The following LMNTD1 variants were observed in gnomAD, a reference collection of about 807,000 sequenced individuals.
The protein encoded by LMNTD1 is lamin tail domain-containing protein 1.
Under a neutral mutation model 50.9 loss-of-function variants are expected in LMNTD1, and 35 were observed. The ratio of observed to expected loss-of-function variants is 0.69; its 90% CI spans 0.53 to 0.91. The LOEUF (loss-of-function observed/expected upper bound fraction) is 0.91, where lower values mean the gene tolerates loss of function less well. Ranked by LOEUF, LMNTD1 falls within the 40% of genes least tolerant of loss-of-function variation. LMNTD1 has a pLI of 0.00. For synonymous variants in LMNTD1, 153 were observed against 161.9 expected (o/e 0.94, Z 0.42); for missense variants, 470 against 475.5 (o/e 0.99, Z 0.11).
intron 4 of LMNTD1, among the ~76,000 whole-genome samples, chr12:25,529,796 T>C (rs1477076657): frequency 1.3e-5 from 2 of 152,082 alleles, no homozygotes; most frequent in Non-Finnish European, 2.9e-5. Flanking sequence ...ACCATTTCCT[T>C]CTATAGAAAA....
chr12:25,619,012 C>G (rs1421252021), intron 1 of LMNTD1, among the ~76,000 whole-genome samples: 2 of 152,132 alleles, frequency 1.3e-5, no homozygotes, highest in Admixed American at 6.6e-5. Flanking sequence ...TTTGCCCTGC[C>G]ATTGTAAGAG....
intron 4 of LMNTD1, among the ~76,000 whole-genome samples, chr12:25,538,091 G>A (rs546331673): frequency 1.6e-5 from 2 of 128,478 alleles, no homozygotes; most frequent in African/African-American, 5.6e-5. Context: ...CCAAATCTAC[G>A]TCTGATTGGT....
chr12:25,604,552 T>G (rs1044801764), intron 1 of LMNTD1, among the ~76,000 whole-genome samples: 18 of 150,904 alleles, frequency 1.2e-4, no homozygotes, highest in Non-Finnish European at 2.1e-4. Flanking sequence ...CCTGTGTCCA[T>G]GTGTTCTCAT....
At chr12:25,537,362 G>A (rs559242238) in intron 4 of LMNTD1, among the ~76,000 whole-genome samples, 39 of 152,300 alleles carry the variant, frequency 2.6e-4, no homozygotes, top group South Asian at 2.5e-3. Context: ...CTCCCAGTAC[G>A]CAGCTGGAGA....
At chr12:25,489,171 C>G (rs558495761) in intron 9 of LMNTD1, among the ~76,000 whole-genome samples, 41 of 152,068 alleles carry the variant, frequency 2.7e-4, no homozygotes, top group Middle Eastern at 3.4e-3. Flanking sequence ...TCGAGCTTCC[C>G]GGCTGCTTTG....
chr12:25,596,868 A>G (rs1945854598), intron 1 of LMNTD1, among the ~76,000 whole-genome samples: 1 of 152,072 alleles, frequency 6.6e-6, no homozygotes, highest in African/African-American at 2.4e-5. Context: ...AAGACATAGT[A>G]CAATAAATGT....
chr12:25,537,873 C>A (rs1942729744), intron 4 of LMNTD1, among the ~76,000 whole-genome samples: 2 of 148,352 alleles, frequency 1.3e-5, no homozygotes, highest in Admixed American at 1.3e-4. Flanking sequence ...CAGAGAAGTG[C>A]TTAAAGGAGC....
intron 4 of LMNTD1, among the ~76,000 whole-genome samples, chr12:25,545,660 G>A (rs893638795): frequency 6.6e-6 from 1 of 151,574 alleles, no homozygotes; most frequent in Non-Finnish European, 1.5e-5. Flanking sequence ...ATCTGATGAG[G>A]TGTTTTTAGA....
intron 8 of LMNTD1, among the ~76,000 whole-genome samples, chr12:25,516,291 T>A (rs960004829): frequency 2.0e-5 from 3 of 152,218 alleles, no homozygotes. Flanking sequence ...CAACTATTTT[T>A]GAATTACTAC....
chr12:25,606,446 C>T (rs1033161364), intron 1 of LMNTD1, among the ~76,000 whole-genome samples: 1 of 152,184 alleles, frequency 6.6e-6, no homozygotes, highest in African/African-American at 2.4e-5. Context: ...TTTGTCCATT[C>T]AGTATGATAT....
intron 1 of LMNTD1, among the ~76,000 whole-genome samples, chr12:25,593,925 G>A (rs1298085511): frequency 6.6e-6 from 1 of 152,124 alleles, no homozygotes; most frequent in Admixed American, 6.5e-5. Flanking sequence ...GCAAAATGCT[G>A]TGGCAAGTCT....
intron 1 of LMNTD1, among the ~76,000 whole-genome samples, chr12:25,622,636 G>A (rs1177223728): frequency 2.0e-5 from 3 of 152,092 alleles, no homozygotes; most frequent in African/African-American, 7.2e-5. Context: ...CAAATATTTA[G>A]TAAGCCTTTA....
intron 3 of LMNTD1, among the ~76,000 whole-genome samples, chr12:25,548,668 T>C (rs1052507963): frequency 1.3e-5 from 2 of 151,940 alleles, no homozygotes; most frequent in Non-Finnish European, 2.9e-5. Context: ...TTTCAAAGGA[T>C]GATAGTGTTT....
intron 9 of LMNTD1, among the ~76,000 whole-genome samples, chr12:25,486,590 A>G (rs1938650746): frequency 6.8e-6 from 1 of 147,216 alleles, no homozygotes; most frequent in Admixed American, 6.9e-5. Flanking sequence ...GCCAGTTTTC[A>G]AAGGGAATGC....
intron 6 of LMNTD1, among the ~76,000 whole-genome samples, chr12:25,520,970 C>G (rs1029974940): frequency 7.2e-5 from 11 of 152,136 alleles, no homozygotes; most frequent in African/African-American, 2.7e-4. Flanking sequence ...TGATGTTGAG[C>G]ATCTTTTAAT....
chr12:25,513,197 C>A (rs1274150925), intron 8 of LMNTD1, among the ~76,000 whole-genome samples: 1 of 152,142 alleles, frequency 6.6e-6, no homozygotes, highest in Non-Finnish European at 1.5e-5. Flanking sequence ...TAAGATGCAT[C>A]CCGATTAAAA....
chr12:25,522,491 T>C (rs541770148), intron 6 of LMNTD1, among the ~76,000 whole-genome samples: 1 of 152,322 alleles, frequency 6.6e-6, no homozygotes, highest in Non-Finnish European at 1.5e-5. Flanking sequence ...AGTTAGAAGA[T>C]ATGGTTTTAT....
At chr12:25,503,874 C>G in intron 8 of LMNTD1, 74 bp from the exon 9 acceptor site, 1 of 727,916 alleles carries the variant, frequency 1.4e-6, no homozygotes, top group South Asian at 1.9e-5. Flanking sequence ...GTCCAGTATT[C>G]CAAGTATTGA....
intron 9 of LMNTD1, among the ~76,000 whole-genome samples, chr12:25,494,770 A>G (rs1939005181): frequency 6.6e-6 from 1 of 152,194 alleles, no homozygotes; most frequent in South Asian, 2.1e-4. Flanking sequence ...TACATTGTGA[A>G]ATGATTAATT....
Sources: allele counts gnomAD v4.1 joint callset (sites outside exome capture counted in the v4.1 genomes callset), GRCh38; gene constraint gnomAD v4.1.1; transcripts MANE v1.5; gene names NCBI Gene and HGNC (gene_info 2026-07-23, HGNC 2026-07-21).